Variants in ZW10 observed in about 807,000 individuals in gnomAD.
The protein encoded by ZW10 is zw10 kinetochore protein.
ZW10 carries 53 observed loss-of-function variants against 87.8 expected under a neutral mutation model. The ratio of observed to expected loss-of-function variants is 0.60; its 90% confidence interval spans 0.48 to 0.76. The LOEUF (loss-of-function observed/expected upper bound fraction) is 0.76. Among genes scored for constraint, ZW10 ranks in the 30% least tolerant of loss-of-function variants. ZW10 has a pLI of 0.00. For missense variants in ZW10, 837 were observed against 923.0 expected, an observed-to-expected ratio of 0.91 and a Z score of 1.21; for synonymous variants, 312 against 329.2, an observed-to-expected ratio of 0.95 and a Z score of 0.57.
rs781669493 is a variant in ZW10 at position 113,737,628 on chromosome 11, C to G, written c.1960G>C (p.Gly654Arg). The G allele has an allele frequency of 1.2e-6, 2 of 1,613,558 alleles. No homozygotes were observed. Among genetic ancestry groups the G allele is most frequent in the South Asian group, 2.2e-5 (2 of 91,004 alleles). Reference sequence around the variant, plus strand: ...GAAATTGCTGTATTGAGTAAAGTCCCCATAGCCTTGCAATATATATTCACT... The same window carrying G: ...GAAATTGCTGTATTGAGTAAAGTCCGCATAGCCTTGCAATATATATTCACT... ...LPVNIYCKAM[G>R]TLLNTAISEV... Residue 654 changes from glycine to arginine, a missense_variant, in exon 14 of 16, where the codon GGG becomes CGG. Gly to Arg is a moderately radical substitution (Grantham distance 125, BLOSUM62 -2). Coordinates refer to ENST00000200135, the MANE Select transcript of ZW10 (RefSeq NM_004724.4).
intron 1 of ZW10, among the ~76,000 whole-genome samples, chr11:113,773,148 C>G (rs574856123): frequency 6.6e-6 from 1 of 151,916 alleles, no homozygotes; most frequent in Non-Finnish European, 1.5e-5. Context: ...GAAGGGGGAT[C>G]CTGTCTTTTC....
At chr11:113,753,904 A>G in intron 7 of ZW10, among the ~76,000 whole-genome samples, 1 of 152,258 alleles carries the variant, frequency 6.6e-6, no homozygotes, top group Non-Finnish European at 1.5e-5. Flanking sequence ...AGCTGTCTCC[A>G]TAATAGAAAA....
intron 14 of ZW10, among the ~76,000 whole-genome samples, 189 bp downstream of exon 14, chr11:113,737,383 C>T (rs896723161): frequency 2.6e-5 from 4 of 151,884 alleles, no homozygotes; most frequent in Admixed American, 6.6e-5. Context: ...ATAGTTCAAT[C>T]CTACTTTCAT....
At chr11:113,750,782 G>A (rs952300435) in intron 7 of ZW10, among the ~76,000 whole-genome samples, 1 of 151,530 alleles carries the variant, frequency 6.6e-6, no homozygotes, top group Non-Finnish European at 1.5e-5. Flanking sequence ...ACTTTCACCC[G>A]CTATAAAATA....
intron 6 of ZW10, among the ~76,000 whole-genome samples, 177 bp downstream of exon 6, chr11:113,758,377 A>AC (rs1427164622): frequency 6.6e-6 from 1 of 151,586 alleles, no homozygotes; most frequent in Non-Finnish European, 1.5e-5. Context: ...GTTGAAAAAA[A>AC]AAAAACCCAA....
chr11:113,746,495 C>CAAAAAAAAAAAAAAAA (rs566009326), intron 9 of ZW10, among the ~76,000 whole-genome samples: 18 of 105,328 alleles, frequency 1.7e-4, no homozygotes, highest in African/African-American at 2.7e-4. Context: ...ACAAAACAGT[C>CAAAAAAAAAAAAAAAA]AAAAAAAAAA....
chr11:113,758,701 T>C lies in ZW10; in HGVS notation c.586A>G (p.Ser196Gly). The change falls in exon 6 of 16, where the codon AGC becomes GGC. Residue 196 changes from serine (S) to glycine (G), a missense_variant. Transcript: ENST00000200135. ...GTTTGTAGGTAAGATTCCAAACTGC[T>C]GGTATCTAAGAAAAAGGAAGAAAAA... ...VWKFPPSKDT[S>G]SLESYLQTEL... is the part of the protein sequence containing the mutation. 6.2e-7 allele frequency: 1 copy of C among 1,613,916 alleles called. No homozygotes were observed. The highest frequency in any genetic ancestry group is 8.5e-7 in the Non-Finnish European group (1 of 1,179,952).
intron 9 of ZW10, among the ~76,000 whole-genome samples, chr11:113,744,531 A>G (rs1456543821): frequency 6.6e-6 from 1 of 152,220 alleles, no homozygotes; most frequent in Non-Finnish European, 1.5e-5. Context: ...GCTGAATCCT[A>G]GATGAAAGCA....
chr11:113,733,556 GT>G lies in ZW10; in HGVS notation c.*137del. The G allele has an allele frequency of 8.7e-7, 1 of 1,153,820 alleles. No individual in the cohort carries two copies. The highest frequency in any genetic ancestry group is 1.3e-6 in the Non-Finnish European group (1 of 796,096). The allele number at this position is 1,153,820 out of a possible 1,614,324, so 71.5% of individuals were successfully genotyped here. A position where few individuals can be genotyped will look rare whatever the true frequency, so the allele number is the denominator to read the frequency against. On this transcript the variant is annotated 3_prime_UTR_variant, in exon 16 of 16. Transcript: ENST00000200135. Reference sequence around the variant, plus strand: ...CCTCGTACAGGCCAGGAGGTAAGACGTTCTTCTGTAAAGTCAAACTTCCAAG... The same window carrying G: ...CCTCGTACAGGCCAGGAGGTAAGACGTCTTCTGTAAAGTCAAACTTCCAAG...
At chr11:113,735,012 AG>A (rs1264204792) in intron 15 of ZW10, among the ~76,000 whole-genome samples, 1 of 152,158 alleles carries the variant, frequency 6.6e-6, no homozygotes, top group Non-Finnish European at 1.5e-5. Context: ...CCTCATGGAG[AG>A]CATTTGGAGA....
chr11:113,762,742 T>C (rs919996836), intron 2 of ZW10, among the ~76,000 whole-genome samples: 4 of 152,112 alleles, frequency 2.6e-5, no homozygotes, highest in Admixed American at 2.0e-4. Context: ...GGTCTCGAAC[T>C]CCTGACCTCA....
Position 113,760,552 on chromosome 11 carries a change from T to C in ZW10, c.381A>G (p.Thr127=), listed in dbSNP as rs1465483943. 2 of 1,613,978 alleles carry C rather than the reference T, an allele frequency of 1.2e-6. No homozygotes were observed. The highest frequency in any genetic ancestry group is 1.1e-5 in the South Asian group (1 of 91,036). Residue 127 remains threonine, a synonymous_variant, in exon 4 of 16, where the codon ACA becomes ACG. Coordinates refer to ENST00000200135, the MANE Select transcript of ZW10 (RefSeq NM_004724.4). ...TAIEEYNCAL[T]EKKYVTGAQR... ...GAGCACCAGTGACATACTTCTTCTC[T>C]GTTAATGCACAATTATATTCTTCAA... is the stretch of plus-strand genomic sequence containing the variant.
At position 113,737,557 on chromosome 11, in the gene ZW10, T is replaced by C. The variant is rs1339002925; in HGVS notation, c.2016+15A>G. 8.2e-6 allele frequency: 13 copies of C among 1,589,550 alleles called. No homozygotes were observed. The highest frequency in any genetic ancestry group is 1.3e-5 in the African/African-American group (1 of 74,486). ...ATTGCATCTCAAGGCTAGTGTAGCA[T>C]CTAATGGCCCTTACCTCTAGGGCAG... On this transcript the variant is annotated intron_variant, in intron 14 of 15. Transcript: ENST00000200135.
chr11:113,736,560 C>G, intron 15 of ZW10, 60 bp downstream of exon 15: 2 of 1,538,056 alleles, frequency 1.3e-6, no homozygotes, highest in Non-Finnish European at 1.8e-6. Context: ...CTATCAAGGG[C>G]ACTATTACTC....
intron 9 of ZW10, among the ~76,000 whole-genome samples, chr11:113,744,490 T>C (rs1438783107): frequency 6.6e-6 from 1 of 152,154 alleles, no homozygotes; most frequent in Non-Finnish European, 1.5e-5. Context: ...AATTAAAAGA[T>C]TTCAATAAAT....
chr11:113,734,797 T>A (rs1953530361), intron 15 of ZW10, among the ~76,000 whole-genome samples: 1 of 125,290 alleles, frequency 8.0e-6, no homozygotes, highest in South Asian at 2.6e-4. Context: ...AGAGTGAGAC[T>A]CTGTCTCAAA....
rs752204269 is a variant in ZW10, at chr11:113,760,934, A to G, written c.241-16T>C. On this transcript the variant is annotated splice_polypyrimidine_tract_variant and intron_variant, in intron 2 of 15. Coordinates refer to ENST00000200135, the MANE Select transcript of ZW10 (RefSeq NM_004724.4). ...CCCGGCGGACCTAATTCACACATCA[A>G]AAACAAGTACTTTTAAGCTATACCA... 5 of 1,609,828 alleles carry G rather than the reference A, an allele frequency of 3.1e-6. No individual in the cohort carries two copies. The African/African-American group carries it at 4.0e-5, about 13-fold the overall frequency.
chr11:113,744,697 C>G (rs1437749785), intron 9 of ZW10, among the ~76,000 whole-genome samples: 3 of 152,008 alleles, frequency 2.0e-5, no homozygotes, highest in Admixed American at 1.3e-4. Context: ...GCTGGGACTA[C>G]AGGCACCCAC....
At chr11:113,747,738 A>C (rs751244261) in intron 8 of ZW10, 25 bp from the exon 9 acceptor site, 1 of 1,544,172 alleles carries the variant, frequency 6.5e-7, no homozygotes, top group Admixed American at 1.9e-5. Flanking sequence ...AAAAAAAAGA[A>C]AAGAATCATT....
Sources: allele counts gnomAD v4.1 joint callset (sites outside exome capture counted in the v4.1 genomes callset), GRCh38; gene constraint gnomAD v4.1.1; transcripts MANE v1.5; gene names NCBI Gene and HGNC (gene_info 2026-07-23, HGNC 2026-07-21).